PODXL2: variants seen among roughly 807,000 people sequenced by gnomAD.
PODXL2 encodes the protein podocalyxin-like protein 2.
In PODXL2, 17 loss-of-function variants were observed where a neutral mutation model predicts 53.4. The observed-to-expected ratio is 0.32, with a 90% CI of 0.22 to 0.48. PODXL2 has a LOEUF of 0.48. PODXL2 is among the 20% of genes least tolerant of loss of function. The pLI is 0.99. For synonymous variants in PODXL2, 311 were observed against 306.7 expected (o/e 1.01, Z -0.15); for missense variants, 673 against 760.0 (o/e 0.89, Z 1.35).
chr3:127,662,190 T>C, intron 3 of PODXL2, 47 bp from the exon 4 acceptor site: 1 of 1,547,276 alleles, frequency 6.5e-7, no homozygotes, highest in Non-Finnish European at 8.9e-7. Context: ...CCTGTCCCTT[T>C]CCTATGCCTT....
At chr3:127,665,163 G>T (rs1207717709) in intron 4 of PODXL2, among the ~76,000 whole-genome samples, 1 of 152,116 alleles carries the variant, frequency 6.6e-6, no homozygotes, top group Admixed American at 6.5e-5. Flanking sequence ...TCCCATGCCG[G>T]GATATAATCC....
intron 4 of PODXL2, among the ~76,000 whole-genome samples, chr3:127,664,462 G>C (rs570623691): frequency 3.9e-5 from 6 of 152,160 alleles, no homozygotes; most frequent in Non-Finnish European, 8.8e-5. Context: ...TGCTGGGAAT[G>C]TGCTGTGCAA....
At chr3:127,649,166 A>T (rs186294286) in intron 2 of PODXL2, among the ~76,000 whole-genome samples, 1 of 152,118 alleles carries the variant, frequency 6.6e-6, no homozygotes, top group Non-Finnish European at 1.5e-5. Context: ...ACAATAGTGG[A>T]CACTGTGGTA....
chr3:127,670,290 G>A (rs1432141237), intron 6 of PODXL2, among the ~76,000 whole-genome samples: 1 of 152,202 alleles, frequency 6.6e-6, no homozygotes, highest in Admixed American at 6.5e-5. Context: ...GGTAGAGCCA[G>A]GCTTTGCAGG....
At position 127,659,164 on chromosome 3, in the gene PODXL2, C is replaced by A. The variant is rs147576460; in HGVS notation, c.350-1214C>A. 3.9e-3 allele frequency among the ~76,000 whole-genome samples: 591 copies of A among 152,228 alleles called. 4 individuals are homozygous for A. The highest frequency in any genetic ancestry group is 0.012 in the African/African-American group (496 of 41,542). On this transcript the variant is annotated intron_variant, in intron 2 of 7. Coordinates refer to ENST00000342480, the MANE Select transcript of PODXL2 (RefSeq NM_015720.4). ...AATCTTTCTGAGGATACTAATTAGA[C>A]TTTTAAAAATTACCTTCTGTTCTCT... is the stretch of plus-strand genomic sequence containing the variant.
chr3:127,636,159 A>G lies in PODXL2; in HGVS notation c.71-3086A>G, dbSNP rs957342523. ...ATTTCATCTCTTGATGGGAGGAGCTACAAAGTCTCATTGCAAAGATGTGTG... is the reference window on the plus strand; with the variant it reads ...ATTTCATCTCTTGATGGGAGGAGCTGCAAAGTCTCATTGCAAAGATGTGTG... On this transcript the variant is annotated intron_variant, in intron 1 of 7. Coordinates refer to ENST00000342480, the MANE Select transcript of PODXL2 (RefSeq NM_015720.4). Among the ~76,000 whole-genome samples, 6 of 152,244 alleles carry G rather than the reference A, an allele frequency of 3.9e-5. No homozygotes were observed. In the South Asian group the frequency reaches 8.3e-4, roughly 21 times the overall value.
At chr3:127,649,939 A>G (rs145414832) in intron 2 of PODXL2, among the ~76,000 whole-genome samples, 107 of 152,354 alleles carry the variant, frequency 7.0e-4, no homozygotes, top group Admixed American at 4.6e-3. Flanking sequence ...TTTGTCTTAA[A>G]TAAAAAAGTA....
chr3:127,630,721 A>G (rs988909020), intron 1 of PODXL2, among the ~76,000 whole-genome samples: 9 of 152,212 alleles, frequency 5.9e-5, no homozygotes, highest in African/African-American at 2.2e-4. Flanking sequence ...CAGTCTAGGG[A>G]TGAAGAAAGG....
chr3:127,639,129 T>C (rs2074597082), intron 1 of PODXL2, 116 bp from the exon 2 acceptor site: 3 of 1,032,482 alleles, frequency 2.9e-6, no homozygotes, highest in Non-Finnish European at 4.2e-6. Flanking sequence ...TTCAGGAGTG[T>C]CCACTGAAGT....
chr3:127,649,835 G>T (rs1183369616), intron 2 of PODXL2, among the ~76,000 whole-genome samples: 1 of 152,184 alleles, frequency 6.6e-6, no homozygotes, highest in African/African-American at 2.4e-5. Context: ...TACTCAGGAG[G>T]CTGAAGCAGG....
At chr3:127,638,830 G>C (rs1279373222) in intron 1 of PODXL2, among the ~76,000 whole-genome samples, 2 of 152,200 alleles carry the variant, frequency 1.3e-5, no homozygotes, top group Non-Finnish European at 2.9e-5. Context: ...TGGAAGCCTG[G>C]GGAACACTGT....
At chr3:127,652,653 G>A (rs1278838239) in intron 2 of PODXL2, among the ~76,000 whole-genome samples, 2 of 152,184 alleles carry the variant, frequency 1.3e-5, no homozygotes, top group East Asian at 3.8e-4. Context: ...AGACTTCCAC[G>A]TGTCTCCAGT....
Position 127,657,890 on chromosome 3 carries a change from G to A in PODXL2, c.350-2488G>A, listed in dbSNP as rs559389050. On this transcript the variant is annotated intron_variant, in intron 2 of 7. Transcript: ENST00000342480. ...TATTCTTCTATATACTTGTTTTGTG[G>A]GTGTGATTTCCTCCTGAATCTTTCT... Among the ~76,000 whole-genome samples the A allele has an allele frequency of 4.6e-5, 7 of 152,166 alleles. No individual in the cohort carries two copies. In the East Asian group the frequency reaches 1.4e-3, roughly 29 times the overall value.
intron 2 of PODXL2, among the ~76,000 whole-genome samples, chr3:127,651,393 A>G (rs2074688064): frequency 6.6e-6 from 1 of 152,258 alleles, no homozygotes; most frequent in African/African-American, 2.4e-5. Flanking sequence ...TTTAGGGGCA[A>G]CTAAGAGACT....
chr3:127,671,932 C>G (rs999325332), intron 7 of PODXL2, among the ~76,000 whole-genome samples: 1 of 152,180 alleles, frequency 6.6e-6, no homozygotes, highest in Non-Finnish European at 1.5e-5. Context: ...TTGGTGGTGC[C>G]CAAGGATCAA....
chr3:127,666,115 T>G (rs1043522377), intron 4 of PODXL2, among the ~76,000 whole-genome samples: 1 of 152,240 alleles, frequency 6.6e-6, no homozygotes, highest in Non-Finnish European at 1.5e-5. Context: ...CCAATTCTAA[T>G]CCATCACCAC....
chr3:127,669,923 TCCA>T (rs1229396646), intron 6 of PODXL2, among the ~76,000 whole-genome samples: 1 of 152,228 alleles, frequency 6.6e-6, no homozygotes, highest in South Asian at 2.1e-4. Flanking sequence ...AGCCACCATC[TCCA>T]CCAAAACTGC....
chr3:127,638,990 CAG>C (rs2074596386), intron 1 of PODXL2, among the ~76,000 whole-genome samples: 1 of 152,132 alleles, frequency 6.6e-6, no homozygotes, highest in African/African-American at 2.4e-5. Flanking sequence ...AACACTGACT[CAG>C]TGATTCCTCT....
At chr3:127,631,024 A>C (rs748839078) in intron 1 of PODXL2, among the ~76,000 whole-genome samples, 72 of 152,176 alleles carry the variant, frequency 4.7e-4, no homozygotes, top group African/African-American at 1.7e-3. Context: ...CATGCTCTTC[A>C]TGACGCACTT....
Sources: gnomAD v4.1 joint callset for allele counts (sites outside exome capture counted in the v4.1 genomes callset) on GRCh38, gnomAD v4.1.1 for gene constraint, MANE v1.5 for transcripts, NCBI Gene and HGNC (gene_info 2026-07-23, HGNC 2026-07-21) for gene names.